Variants in GNAL observed in about 807,000 individuals in gnomAD.
GNAL encodes guanine nucleotide-binding protein G(olf) subunit alpha.
In GNAL, 18 loss-of-function variants were observed where a neutral mutation model predicts 55.1. The observed-to-expected ratio is 0.33, with a 90% CI of 0.23 to 0.48. The LOEUF (loss-of-function observed/expected upper bound fraction) is 0.48, where lower values mean the gene tolerates loss of function less well. Among genes scored for constraint, GNAL ranks in the 20% least tolerant of loss-of-function variants. The pLI is 0.99. For synonymous variants in GNAL, 253 were observed against 237.0 expected (o/e 1.07, Z -0.62); for missense variants, 412 against 614.1 (o/e 0.67, Z 3.48).
intron 1 of GNAL, 42 bp downstream of exon 1, chr18:11,689,981 C>G: frequency 8.8e-7 from 1 of 1,137,378 alleles, no homozygotes; most frequent in Non-Finnish European, 1.1e-6. Context: ...CCGGGGACAG[C>G]GCGCCGGGCC....
chr18:11,880,193 G>C (rs899877883), intron 11 of GNAL, among the ~76,000 whole-genome samples: 1 of 151,320 alleles, frequency 6.6e-6, no homozygotes, highest in Admixed American at 6.6e-5. Flanking sequence ...GGAGGCAGAG[G>C]TTGCAGTGAG....
intron 4 of GNAL, among the ~76,000 whole-genome samples, chr18:11,782,386 CAT>C (rs1401079181): frequency 6.6e-6 from 1 of 152,134 alleles, no homozygotes; most frequent in Non-Finnish European, 1.5e-5. Flanking sequence ...ATCTCAGTAT[CAT>C]AATGTTGAAT....
intron 1 of GNAL, among the ~76,000 whole-genome samples, chr18:11,703,693 T>G (rs2031634270): frequency 6.6e-6 from 1 of 152,080 alleles, no homozygotes; most frequent in Non-Finnish European, 1.5e-5. Flanking sequence ...CCATTTCCGT[T>G]TTTTGCTCTA....
At chr18:11,829,095 C>G (rs1371686145) in intron 5 of GNAL, among the ~76,000 whole-genome samples, 1 of 152,202 alleles carries the variant, frequency 6.6e-6, no homozygotes, top group Non-Finnish European at 1.5e-5. Context: ...TACAGAAAGC[C>G]ACAGATAAAA....
In GNAL at chr18:11,812,471, A is replaced by G. The variant is rs114916530; in HGVS notation, c.625-12447A>G. ...GCAAGCTTGCAGGACACAGGAACAA[A>G]TACAGAGATCAATTGTATTTCTGGG... On this transcript the variant is annotated intron_variant, in intron 4 of 11. Transcript: ENST00000334049. Among the ~76,000 whole-genome samples the G allele has an allele frequency of 7.7e-3, 1,180 of 152,332 alleles. 12 individuals are homozygous for G. The highest frequency in any genetic ancestry group is 0.025 in the African/African-American group (1,024 of 41,570).
At chr18:11,800,794 T>A (rs1335001338) in intron 4 of GNAL, among the ~76,000 whole-genome samples, 1 of 152,238 alleles carries the variant, frequency 6.6e-6, no homozygotes, top group Admixed American at 6.5e-5. Context: ...CCTAGTCCAT[T>A]CATTATCAAT....
At chr18:11,873,080 G>A (rs1485191009) in intron 10 of GNAL, among the ~76,000 whole-genome samples, 3 of 152,196 alleles carry the variant, frequency 2.0e-5, no homozygotes, top group East Asian at 1.9e-4. Flanking sequence ...GTTTCCAGTC[G>A]CTTACACTTC....
intron 1 of GNAL, among the ~76,000 whole-genome samples, chr18:11,729,099 C>G (rs904913142): frequency 6.6e-6 from 1 of 152,056 alleles, no homozygotes; most frequent in African/African-American, 2.4e-5. Context: ...TATTTGGCCG[C>G]AAACGAGATA....
intron 1 of GNAL, chr18:11,702,224 G>A (rs1439500270): frequency 6.6e-6 from 1 of 152,250 alleles, no homozygotes; most frequent in Admixed American, 6.5e-5. Flanking sequence ...CTGGAATTAG[G>A]CCAGACACAG....
At chr18:11,735,021 G>A (rs528540220) in intron 1 of GNAL, among the ~76,000 whole-genome samples, 2 of 149,320 alleles carry the variant, frequency 1.3e-5, no homozygotes, top group African/African-American at 2.5e-5. Flanking sequence ...GAGGATTGGT[G>A]GGCATTTGAT....
At chr18:11,871,411 C>T (rs958542670) in intron 9 of GNAL, among the ~76,000 whole-genome samples, 1 of 152,022 alleles carries the variant, frequency 6.6e-6, no homozygotes, top group Non-Finnish European at 1.5e-5. Flanking sequence ...CCACCACGCC[C>T]AGCTACTTTT....
chr18:11,801,865 G>A (rs970480451), intron 4 of GNAL, among the ~76,000 whole-genome samples: 1 of 152,144 alleles, frequency 6.6e-6, no homozygotes, highest in Non-Finnish European at 1.5e-5. Flanking sequence ...GGGGTCAGGA[G>A]TTCGAGCCTG....
At chr18:11,820,060 G>A (rs1178693689) in intron 4 of GNAL, among the ~76,000 whole-genome samples, 3 of 152,146 alleles carry the variant, frequency 2.0e-5, no homozygotes, top group South Asian at 2.1e-4. Flanking sequence ...TGGGCTCCTA[G>A]GGTTGATATA....
intron 1 of GNAL, among the ~76,000 whole-genome samples, chr18:11,709,723 T>C (rs1055160583): frequency 9.9e-5 from 15 of 152,196 alleles, no homozygotes; most frequent in Non-Finnish European, 1.3e-4. Context: ...TATTTTTGTA[T>C]GTATAAGATC....
intron 6 of GNAL, among the ~76,000 whole-genome samples, chr18:11,863,182 T>A (rs2036187246): frequency 6.6e-6 from 1 of 152,128 alleles, no homozygotes; most frequent in Non-Finnish European, 1.5e-5. Flanking sequence ...CCCAGCCCAC[T>A]CCACCAATTC....
At position 11,751,581 on chromosome 18, in the gene GNAL, AG is replaced by A; in HGVS notation, c.377-1269del. On this transcript the variant is annotated intron_variant, in intron 1 of 11. Coordinates refer to ENST00000334049, the MANE Select transcript of GNAL (RefSeq NM_182978.4). This position sits in a 1 kb window ranked among gnomAD's most constrained non-coding sequence, Gnocchi z 4.5. The stretch of plus-strand genomic sequence containing the variant: ...CCGCGAGTCTTCGCCCGCCAGGAGC[AG>A]GGACGCGTCCGAGCCAACACGGGGC... 4 of 985,454 alleles carry A rather than the reference AG, an allele frequency of 4.1e-6. No individual in the cohort carries two copies. The highest frequency in any genetic ancestry group is 4.8e-6 in the Non-Finnish European group (4 of 829,956). The allele number at this position is 985,454 out of a possible 1,614,324, so 61.0% of individuals were successfully genotyped here.
In GNAL at chr18:11,753,913, A is replaced by G; in HGVS notation, c.592A>G (p.Ile198Val). The G allele has an allele frequency of 1.2e-6, 2 of 1,610,140 alleles. No homozygotes were observed. Among genetic ancestry groups the G allele is most frequent in the Non-Finnish European group, 8.5e-7 (1 of 1,176,348 alleles). ...ATTTCGATCAGACTACATCAAGAGC[A>G]TAGCCCCTATCACTGACTTTGAATA... ...NQFRSDYIKS[I>V]APITDFEYSQ... Residue 198 changes from isoleucine to valine, a missense_variant, in exon 4 of 12, where the codon ATA becomes GTA. Physicochemically the swap from Ile to Val is conservative, Grantham distance 29. This residue lies in a region of GNAL where 47 missense variants were observed against 82.7 expected (regional missense o/e 0.57). Coordinates refer to ENST00000334049, the MANE Select transcript of GNAL (RefSeq NM_182978.4).
chr18:11,727,581 C>A (rs994364822), intron 1 of GNAL, among the ~76,000 whole-genome samples: 2 of 152,178 alleles, frequency 1.3e-5, no homozygotes, highest in Admixed American at 1.3e-4. Context: ...AACTCAAAGG[C>A]AGAATGTCGG....
intron 5 of GNAL, among the ~76,000 whole-genome samples, chr18:11,843,049 A>C (rs1359693433): frequency 6.6e-6 from 1 of 152,170 alleles, no homozygotes. Context: ...AGAGATGTTA[A>C]GGCCAGGCAC....
Sources: allele counts gnomAD v4.1 joint callset (sites outside exome capture counted in the v4.1 genomes callset), GRCh38; gene constraint gnomAD v4.1.1; regional missense constraint gnomAD v4.1.1; non-coding constraint Gnocchi (gnomAD v3.1); transcripts MANE v1.5; gene names NCBI Gene and HGNC (gene_info 2026-07-23, HGNC 2026-07-21).